Variants in AKAP1 observed in about 807,000 individuals in gnomAD.
AKAP1 encodes the protein A-kinase anchor protein 1, mitochondrial.
In AKAP1, 32 loss-of-function variants were observed where a neutral mutation model predicts 79.8. The ratio of observed to expected loss-of-function variants is 0.40; its 90% CI spans 0.30 to 0.54. The LOEUF is 0.54. Among genes scored for constraint, AKAP1 ranks in the 20% least tolerant of loss-of-function variants. AKAP1 has a pLI of 0.47. For synonymous variants in AKAP1, 416 were observed against 466.7 expected (o/e 0.89, Z 1.40); for missense variants, 961 against 1,138.9 (o/e 0.84, Z 2.25).
At chr17:57,104,585 G>C (rs1486669913) in intron 1 of AKAP1, among the ~76,000 whole-genome samples, 1 of 152,250 alleles carries the variant, frequency 6.6e-6, no homozygotes, top group African/African-American at 2.4e-5. Flanking sequence ...GTCGTCTACA[G>C]TGGGGCAAAA....
At chr17:57,101,513 A>T (rs1380438345) in intron 1 of AKAP1, 1 of 151,588 alleles carries the variant, frequency 6.6e-6, no homozygotes, top group East Asian at 1.9e-4. Context: ...GTGATTCTCA[A>T]ACTTGACTGC....
intron 1 of AKAP1, among the ~76,000 whole-genome samples, chr17:57,096,945 TCCCATGACTAAG>T (rs1435088975): frequency 6.6e-6 from 1 of 152,102 alleles, no homozygotes; most frequent in Non-Finnish European, 1.5e-5. Flanking sequence ...CTCAGTAACC[TCCCATGACTAAG>T]TGGCTGCCAG....
chr17:57,105,707 A>G lies in AKAP1; in HGVS notation c.243A>G (p.Glu81=), dbSNP rs1016578277. 1.2e-6 allele frequency: 2 copies of G among 1,613,992 alleles called. No homozygotes were observed. Among genetic ancestry groups the G allele is most frequent in the African/African-American group, 2.7e-5 (2 of 74,892 alleles). ...PPSVTEPPEK[E]LSTVSKLPAE... The stretch of plus-strand genomic sequence containing the variant: ...GTGTCACAGAGCCTCCAGAAAAGGA[A>G]CTGTCCACCGTGAGCAAGCTGCCTG... The change falls in exon 2 of 11, where the codon GAA becomes GAG. Residue 81 remains glutamate (E), a synonymous_variant. Coordinates refer to ENST00000337714, the MANE Select transcript of AKAP1 (RefSeq NM_003488.4).
rs557994597 is a variant in AKAP1 at position 57,085,304 on chromosome 17, G to A, written c.-119G>A. On this transcript the variant is annotated 5_prime_UTR_variant, in exon 1 of 11. Transcript: ENST00000337714. ...GCTAGCACGTGGGGGAGCTGCGGAAGCGCGGCGCTGCGGGCCGGGCCGCGG... is the reference window on the plus strand; with the variant it reads ...GCTAGCACGTGGGGGAGCTGCGGAAACGCGGCGCTGCGGGCCGGGCCGCGG... 6.6e-6 allele frequency: 1 copy of A among 151,354 alleles called. No individual in the cohort carries two copies. 9.4% of individuals were successfully genotyped at this position (151,354 alleles called of 1,614,324 possible).
At chr17:57,107,698 A>G (rs1193037316) in intron 2 of AKAP1, among the ~76,000 whole-genome samples, 1 of 151,834 alleles carries the variant, frequency 6.6e-6, no homozygotes, top group East Asian at 1.9e-4. Flanking sequence ...GTGTGTTTTA[A>G]TGGAGAGGCC....
intron 10 of AKAP1, among the ~76,000 whole-genome samples, chr17:57,119,788 C>T (rs909176773): frequency 6.8e-6 from 1 of 146,916 alleles, no homozygotes; most frequent in African/African-American, 2.5e-5. Context: ...AATAAATGTT[C>T]CTGTTGGCTA....
At chr17:57,115,700 A>T (rs951224441) in intron 6 of AKAP1, among the ~76,000 whole-genome samples, 1 of 152,202 alleles carries the variant, frequency 6.6e-6, no homozygotes, top group Non-Finnish European at 1.5e-5. Flanking sequence ...AGGTATGAGG[A>T]TGCTGAGATC....
intron 5 of AKAP1, among the ~76,000 whole-genome samples, chr17:57,113,723 C>T (rs1915403506): frequency 6.6e-6 from 1 of 151,518 alleles, no homozygotes; most frequent in African/African-American, 2.4e-5. Context: ...CTGCCCCAGC[C>T]TCCTGAGTAG....
At chr17:57,093,651 T>G (rs190704068) in intron 1 of AKAP1, 35 of 152,350 alleles carry the variant, frequency 2.3e-4, no homozygotes, top group Admixed American at 2.1e-3. Context: ...TAATAGAGCA[T>G]GCATTGCTAC....
At chr17:57,099,562 C>G (rs1397603474) in intron 1 of AKAP1, among the ~76,000 whole-genome samples, 1 of 152,128 alleles carries the variant, frequency 6.6e-6, no homozygotes, top group Admixed American at 6.5e-5. Flanking sequence ...CCATCCCTGG[C>G]TTGGAAATGT....
intron 1 of AKAP1, among the ~76,000 whole-genome samples, chr17:57,103,272 G>A (rs1430528408): frequency 6.6e-6 from 1 of 152,210 alleles, no homozygotes; most frequent in Non-Finnish European, 1.5e-5. Flanking sequence ...TCAAATGGAG[G>A]TGACCTTCTC....
In AKAP1 at chr17:57,111,150, C is replaced by T. The variant is rs202153258; in HGVS notation, c.1849-648C>T. Among the ~76,000 whole-genome samples, 9 of 152,258 alleles carry T rather than the reference C, an allele frequency of 5.9e-5. No homozygotes were observed. The East Asian group carries it at 1.5e-3, about 26-fold the overall frequency. On this transcript the variant is annotated intron_variant, in intron 3 of 10. Coordinates refer to ENST00000337714, the MANE Select transcript of AKAP1 (RefSeq NM_003488.4). ...TGGACCATGTCCCCAGTAGCTCCTC[C>T]GGGAGGGGGTCGTTGGCGGTTGTGT...
At chr17:57,098,152 G>A (rs914398858) in intron 1 of AKAP1, among the ~76,000 whole-genome samples, 22 of 152,248 alleles carry the variant, frequency 1.4e-4, no homozygotes, top group Admixed American at 3.9e-4. Context: ...GATGAATGCT[G>A]AGGCCTGTGG....
intron 1 of AKAP1, among the ~76,000 whole-genome samples, chr17:57,091,685 T>C (rs1913795094): frequency 6.6e-6 from 1 of 151,764 alleles, no homozygotes; most frequent in African/African-American, 2.4e-5. Flanking sequence ...AAACATTATT[T>C]ATTTATTTAT....
chr17:57,119,427 A>T (rs765071595), intron 10 of AKAP1, among the ~76,000 whole-genome samples: 1 of 152,030 alleles, frequency 6.6e-6, no homozygotes, highest in Middle Eastern at 3.2e-3. Context: ...TAAAAAGCCT[A>T]TCCTGGCCAG....
Position 57,112,483 on chromosome 17 carries a change from C to T in AKAP1, c.1976-8C>T, listed in dbSNP as rs1192179969. Reference sequence around the variant, plus strand: ...TGATTGTATGTCCTGCCCCCATCCGCTATTTAGGCTCTCAACATCATGTAG... The same window carrying T: ...TGATTGTATGTCCTGCCCCCATCCGTTATTTAGGCTCTCAACATCATGTAG... On this transcript the variant is annotated splice_region_variant and splice_polypyrimidine_tract_variant and intron_variant, in intron 4 of 10. Coordinates refer to ENST00000337714, the MANE Select transcript of AKAP1 (RefSeq NM_003488.4). 1 of 1,612,778 alleles carries T rather than the reference C, an allele frequency of 6.2e-7. No homozygotes were observed. Among genetic ancestry groups the T allele is most frequent in the Non-Finnish European group, 8.5e-7 (1 of 1,179,462 alleles).
chr17:57,097,236 C>T (rs1047055402), intron 1 of AKAP1, among the ~76,000 whole-genome samples: 3 of 144,046 alleles, frequency 2.1e-5, no homozygotes, highest in Middle Eastern at 3.6e-3. Context: ...AATCCTGGCC[C>T]TCTTTGAGAA....
chr17:57,116,730 C>A, intron 7 of AKAP1, 130 bp from the exon 8 acceptor site: 2 of 889,932 alleles, frequency 2.2e-6, no homozygotes, highest in South Asian at 1.4e-5. Flanking sequence ...CCGTGGCCTC[C>A]TGCAAAGTAC....
chr17:57,120,386 T>A lies in AKAP1; in HGVS notation c.*62T>A. ...GTTGAAATTGGGCTTGGCACTCAAG[T>A]CAAAGATGAACATCGGAATAACAAA... On this transcript the variant is annotated 3_prime_UTR_variant, in exon 11 of 11. Coordinates refer to ENST00000337714, the MANE Select transcript of AKAP1 (RefSeq NM_003488.4). 1 of 1,438,604 alleles carries A rather than the reference T, an allele frequency of 7.0e-7. No homozygotes were observed. Among genetic ancestry groups the A allele is most frequent in the Non-Finnish European group, 9.7e-7 (1 of 1,034,312 alleles). The allele number at this position is 1,438,604 out of a possible 1,614,324, so 89.1% of individuals were successfully genotyped here. A position where few individuals can be genotyped will look rare whatever the true frequency, so the allele number is the denominator to read the frequency against.
Sources: gnomAD v4.1 joint callset for allele counts (sites outside exome capture counted in the v4.1 genomes callset) on GRCh38, gnomAD v4.1.1 for gene constraint, MANE v1.5 for transcripts, NCBI Gene and HGNC (gene_info 2026-07-23, HGNC 2026-07-21) for gene names.